The following PSD3 variants were observed in gnomAD, a reference collection of about 807,000 sequenced individuals.
PSD3 encodes pleckstrin and Sec7 domain containing 3.
Under a neutral mutation model 105.5 loss-of-function variants are expected in PSD3, and 49 were observed. That is an observed-to-expected ratio of 0.46 (90% CI 0.37 to 0.59). PSD3 has a LOEUF of 0.59. Among genes scored for constraint, PSD3 ranks in the 20% least tolerant of loss-of-function variants. The pLI is 0.00. For missense variants in PSD3, 1,561 were observed against 1,263.8 expected (o/e 1.24, Z -3.57); for synonymous variants, 557 against 457.8 (o/e 1.22, Z -2.77).
chr8:18,842,593 C>T (rs532683320), intron 4 of PSD3, among the ~76,000 whole-genome samples: 82 of 152,014 alleles, frequency 5.4e-4, no homozygotes, highest in Middle Eastern at 6.8e-3. Context: ...ATTAGCCGGG[C>T]GTGGTGGGAG....
chr8:19,037,293 C>T (rs536289775), intron 1 of PSD3, among the ~76,000 whole-genome samples: 1 of 152,344 alleles, frequency 6.6e-6, no homozygotes, highest in East Asian at 1.9e-4. Flanking sequence ...TGATACAAAA[C>T]TGGCTGCTGG....
chr8:19,013,811 G>C (rs1196046921), upstream of PSD3: 6 of 187,120 alleles, frequency 3.2e-5, no homozygotes, highest in Non-Finnish European at 6.4e-5. Flanking sequence ...GGCGCAGGCG[G>C]GCCGGCGGTG....
chr8:19,078,632 C>A (rs1211812925), intron 1 of PSD3, among the ~76,000 whole-genome samples: 1 of 151,976 alleles, frequency 6.6e-6, no homozygotes, highest in Non-Finnish European at 1.5e-5. Flanking sequence ...GATCTCAGCA[C>A]CCCTGTTAGC....
chr8:18,976,207 G>A (rs4921976), intron 1 of PSD3, among the ~76,000 whole-genome samples: 42,439 of 151,986 alleles, frequency 0.28, 6,780 homozygotes, highest in Middle Eastern at 0.51. Context: ...ATTTTACAGA[G>A]AGCTTATAAA....
intron 15 of PSD3, among the ~76,000 whole-genome samples, chr8:18,539,826 G>C (rs1024571552): frequency 2.3e-4 from 35 of 152,154 alleles, no homozygotes; most frequent in African/African-American, 8.2e-4. Flanking sequence ...GATTACAAGC[G>C]TGAGGCACCA....
At position 18,911,180 on chromosome 8, in the gene PSD3, A is replaced by G. The variant is rs544884224; in HGVS notation, c.130+24854T>C. ...AGAGTGGGGGTGGGAGCACAGTTTC[A>G]TAGCATTATCCCCTCTTTCCTCAAA... On this transcript the variant is annotated intron_variant, in intron 2 of 15. Transcript: ENST00000327040. Among the ~76,000 whole-genome samples, 18 of 152,352 alleles carry G rather than the reference A, an allele frequency of 1.2e-4. No individual in the cohort carries two copies. The East Asian group carries it at 3.5e-3, about 29-fold the overall frequency.
At chr8:18,752,511 A>ATTATATAT (rs1174332347) in intron 9 of PSD3, among the ~76,000 whole-genome samples, 1 of 57,668 alleles carries the variant, frequency 1.7e-5, no homozygotes, top group South Asian at 3.9e-4. Context: ...AATATATATA[A>ATTATATAT]TATATGTAAT....
chr8:18,570,669 A>G lies in PSD3; in HGVS notation c.2784+1859T>C, dbSNP rs981448839. 2.7e-5 allele frequency among the ~76,000 whole-genome samples: 4 copies of G among 150,086 alleles called. No homozygotes were observed. In the East Asian group the frequency reaches 7.9e-4, roughly 30 times the overall value. Reference sequence around the variant, plus strand: ...CATCAAAAAGTGGGCGAAGGACATGAACAGACACTTCTCAAAAGAAGACAT... The same window carrying G: ...CATCAAAAAGTGGGCGAAGGACATGGACAGACACTTCTCAAAAGAAGACAT... On this transcript the variant is annotated intron_variant, in intron 14 of 15. Coordinates refer to ENST00000327040, the MANE Select transcript of PSD3 (RefSeq NM_015310.4).
At chr8:18,863,134 T>A (rs540448435) in intron 4 of PSD3, among the ~76,000 whole-genome samples, 12 of 152,302 alleles carry the variant, frequency 7.9e-5, no homozygotes, top group Non-Finnish European at 1.6e-4. Context: ...AAAAAAGAAG[T>A]TCCTGCCATG....
intron 1 of PSD3, among the ~76,000 whole-genome samples, chr8:19,021,774 A>C (rs1281214353): frequency 1.3e-5 from 2 of 152,220 alleles, no homozygotes; most frequent in African/African-American, 2.4e-5. Flanking sequence ...TCCTCTAAGC[A>C]TAGTGTCAAT....
intron 9 of PSD3, among the ~76,000 whole-genome samples, chr8:18,711,224 C>A (rs1350115700): frequency 2.6e-5 from 4 of 152,172 alleles, no homozygotes; most frequent in African/African-American, 9.7e-5. Flanking sequence ...GAAGCAACTA[C>A]ATTAACAAGT....
At chr8:19,014,746 G>A (rs1476010893), upstream of PSD3, among the ~76,000 whole-genome samples, 1 of 152,192 alleles carries the variant, frequency 6.6e-6, no homozygotes, top group Admixed American at 6.5e-5. This position sits in a 1 kb window ranked among gnomAD's most constrained non-coding sequence, Gnocchi z 4.9. Flanking sequence ...CAGGTTCCCT[G>A]GTGGCCCCAC....
chr8:18,750,940 C>T (rs1805431729), intron 9 of PSD3, among the ~76,000 whole-genome samples: 1 of 152,148 alleles, frequency 6.6e-6, no homozygotes, highest in Non-Finnish European at 1.5e-5. Context: ...CATAAAGACT[C>T]TCCACCTCCC....
At chr8:18,920,976 T>G (rs904460293) in intron 2 of PSD3, among the ~76,000 whole-genome samples, 10 of 152,202 alleles carry the variant, frequency 6.6e-5, no homozygotes, top group Non-Finnish European at 1.0e-4. Context: ...TACCTATACT[T>G]ATAATATTTT....
At chr8:18,877,633 C>A (rs1313475627) in intron 2 of PSD3, among the ~76,000 whole-genome samples, 1 of 151,242 alleles carries the variant, frequency 6.6e-6, no homozygotes, top group East Asian at 1.9e-4. Flanking sequence ...TGTTGACCTC[C>A]TGGACTCAAG....
chr8:18,953,753 G>C (rs11778085), intron 1 of PSD3, among the ~76,000 whole-genome samples: 2 of 151,070 alleles, frequency 1.3e-5, no homozygotes, highest in Non-Finnish European at 2.9e-5. Flanking sequence ...TCTCAAAAAA[G>C]AAAAGAAAAG....
intron 11 of PSD3, among the ~76,000 whole-genome samples, chr8:18,611,559 C>G (rs1459242595): frequency 6.6e-6 from 1 of 151,802 alleles, no homozygotes; most frequent in Admixed American, 6.6e-5. Context: ...TTTTCTGAGA[C>G]TTAGATGAGT....
chr8:18,719,784 G>A (rs1802834008), intron 9 of PSD3, among the ~76,000 whole-genome samples: 1 of 152,000 alleles, frequency 6.6e-6, no homozygotes, highest in African/African-American at 2.4e-5. Context: ...CTTTAGAGCT[G>A]GTTTCATTTT....
At chr8:18,565,382 G>C (rs767092520) in intron 14 of PSD3, among the ~76,000 whole-genome samples, 1 of 152,150 alleles carries the variant, frequency 6.6e-6, no homozygotes, top group Non-Finnish European at 1.5e-5. Context: ...ATGTGCTCTG[G>C]CAGCACTGTC....
Sources: allele counts gnomAD v4.1 joint callset (sites outside exome capture counted in the v4.1 genomes callset), GRCh38; gene constraint gnomAD v4.1.1; non-coding constraint Gnocchi (gnomAD v3.1); transcripts MANE v1.5; gene names NCBI Gene and HGNC (gene_info 2026-07-23, HGNC 2026-07-21).